Variants in WSB1 observed in about 807,000 individuals in gnomAD.
The protein encoded by WSB1 is WD repeat and SOCS box-containing protein 1.
A neutral mutation model predicts 50.2 loss-of-function variants in WSB1; 23 were observed. That is an observed-to-expected ratio of 0.46 (90% CI 0.33 to 0.65). The LOEUF is 0.65. WSB1 is among the 30% of genes least tolerant of loss of function. The pLI is 0.02. For synonymous variants in WSB1, 179 were observed against 172.0 expected (o/e 1.04, Z -0.32); for missense variants, 492 against 522.3 (o/e 0.94, Z 0.56).
intron 8 of WSB1, 54 bp from the exon 9 acceptor site, chr17:27,312,156 A>C: frequency 6.4e-7 from 1 of 1,556,788 alleles, no homozygotes; most frequent in Non-Finnish European, 8.7e-7. Flanking sequence ...GAGCTGTAGC[A>C]ACACTGAAAT....
intron 1 of WSB1, 38 bp downstream of exon 1, chr17:27,294,473 A>G: frequency 6.2e-7 from 1 of 1,610,020 alleles, no homozygotes; most frequent in Non-Finnish European, 8.5e-7. Context: ...ATGAGGGCCG[A>G]GGAGAGGCAG....
intron 1 of WSB1, among the ~76,000 whole-genome samples, chr17:27,300,398 C>G (rs1597754444): frequency 6.6e-6 from 1 of 152,136 alleles, no homozygotes; most frequent in East Asian, 1.9e-4. Flanking sequence ...AAAGAGGCTC[C>G]TTTCCCCAAA....
Position 27,303,524 on chromosome 17 carries a change from C to G in WSB1, c.367C>G (p.Gln123Glu), listed in dbSNP as rs1453404667. ...LAFGSSVPEK[Q>E]SRCVNIEWHR... ...TTTTGGGTCATCAGTTCCAGAAAAA[C>G]AGAGTCGCTGTGTAAATATAGAATG... Residue 123 changes from glutamine (Q) to glutamate (E), a missense_variant, in exon 3 of 9, where the codon CAG becomes GAG. Coordinates refer to ENST00000262394, the MANE Select transcript of WSB1 (RefSeq NM_015626.10). 3 of 1,614,132 alleles carry G rather than the reference C, an allele frequency of 1.9e-6. No individual in the cohort carries two copies. The highest frequency in any genetic ancestry group is 1.3e-5 in the African/African-American group (1 of 75,036).
chr17:27,307,367 C>T (rs1032187572), intron 5 of WSB1: 3 of 248,780 alleles, frequency 1.2e-5, no homozygotes, highest in South Asian at 6.8e-5. Context: ...GTTTGTCTTA[C>T]ATAGCATACC....
intron 4 of WSB1, 135 bp from the exon 5 acceptor site, chr17:27,306,647 A>G (rs1376743440): frequency 2.6e-6 from 2 of 759,698 alleles, no homozygotes; most frequent in Non-Finnish European, 2.1e-6. Context: ...CAGCTGGTGT[A>G]TATCGGTAAC....
At chr17:27,304,600 T>A (rs780468135) in intron 3 of WSB1, among the ~76,000 whole-genome samples, 180 bp from the exon 4 acceptor site, 112 of 141,010 alleles carry the variant, frequency 7.9e-4, no homozygotes, top group Non-Finnish European at 1.0e-3. Flanking sequence ...TAGTTCCAAC[T>A]ATTTCGGAGG....
chr17:27,312,307 CAAG>C lies in WSB1; in HGVS notation c.1208_1210del (p.Glu403del). The C allele has an allele frequency of 6.2e-7, 1 of 1,614,182 alleles. No individual in the cohort carries two copies. Among genetic ancestry groups the C allele is most frequent in the Admixed American group, 1.7e-5 (1 of 60,006 alleles). On this transcript the variant is annotated inframe_deletion, in exon 9 of 9. Transcript: ENST00000262394. ...GTCAATCCGAAGAGTGATGCCCACC[CAAG>C]AAGTTCAGGAGCTGCCGATTCCTTC...
chr17:27,304,715 A>G (rs2150836263), intron 3 of WSB1, 65 bp from the exon 4 acceptor site: 2 of 1,531,610 alleles, frequency 1.3e-6, no homozygotes, highest in Non-Finnish European at 1.8e-6. Flanking sequence ...CTGTCTCAAG[A>G]AAAATAAGAA....
chr17:27,294,121 C>T lies in WSB1; in HGVS notation c.-275C>T, dbSNP rs573616680. On this transcript the variant is annotated 5_prime_UTR_variant, in exon 1 of 9. Coordinates refer to ENST00000262394, the MANE Select transcript of WSB1 (RefSeq NM_015626.10). The stretch of plus-strand genomic sequence containing the variant: ...GCCCGCCATTTTGACTCCAGTGTCT[C>T]GTTTGCAGTCGGCGCTTTAGGGGAA... The T allele has an allele frequency of 1.4e-5, 4 of 289,766 alleles. No homozygotes were observed. The highest frequency in any genetic ancestry group is 1.1e-4 in the South Asian group (1 of 9,050). 17.9% of individuals were successfully genotyped at this position (289,766 alleles called of 1,614,324 possible).
chr17:27,306,244 G>A (rs1195346467), intron 4 of WSB1, among the ~76,000 whole-genome samples: 6 of 113,644 alleles, frequency 5.3e-5, no homozygotes, highest in Non-Finnish European at 6.5e-5. Context: ...ATGGAGTCTC[G>A]CTCTTTCGCC....
At chr17:27,306,942 T>C in intron 5 of WSB1, 60 bp downstream of exon 5, 2 of 1,506,730 alleles carry the variant, frequency 1.3e-6, no homozygotes, top group Non-Finnish European at 1.8e-6. Context: ...GTGTGCATAA[T>C]CATTTTAAAT....
rs1416069863 is a variant in WSB1, at chr17:27,314,640, C to G, written c.*2271C>G. 6.6e-6 allele frequency: 1 copy of G among 152,100 alleles called. No homozygotes were observed. Among genetic ancestry groups the G allele is most frequent in the East Asian group, 1.9e-4 (1 of 5,190 alleles). The allele number at this position is 152,100 out of a possible 1,614,324, so 9.4% of individuals were successfully genotyped here. Reference sequence around the variant, plus strand: ...TGCTTTCCACACCAACATATCCAGTCAAGTAAAAACAGCTTTTTTTATTTT... The same window carrying G: ...TGCTTTCCACACCAACATATCCAGTGAAGTAAAAACAGCTTTTTTTATTTT... On this transcript the variant is annotated 3_prime_UTR_variant, in exon 9 of 9. Transcript: ENST00000262394.
chr17:27,299,695 AG>A (rs2017145880), intron 1 of WSB1, among the ~76,000 whole-genome samples: 1 of 152,254 alleles, frequency 6.6e-6, no homozygotes. Flanking sequence ...TGATGAAGTT[AG>A]GATGGGAAAT....
chr17:27,307,651 T>G (rs1567690395), intron 5 of WSB1: 3 of 1,310,066 alleles, frequency 2.3e-6, no homozygotes, highest in Non-Finnish European at 2.1e-6. Context: ...TCAGTTTAGT[T>G]CTTTACAAAT....
intron 4 of WSB1, among the ~76,000 whole-genome samples, chr17:27,305,654 T>C (rs570717946): frequency 6.6e-6 from 1 of 152,276 alleles, no homozygotes; most frequent in Non-Finnish European, 1.5e-5. Context: ...ATTGAATTAG[T>C]AGGAAACAAA....
rs1567688231 is a variant in WSB1 at position 27,304,784 on chromosome 17, ACTC to A, written c.489_491del (p.Leu164del). The A allele has an allele frequency of 1.2e-6, 2 of 1,611,800 alleles. No homozygotes were observed. Among genetic ancestry groups the A allele is most frequent in the Non-Finnish European group, 1.7e-6 (2 of 1,179,346 alleles). The stretch of plus-strand genomic sequence containing the variant: ...TCCCTTTTCTATCATATTTAGGAAA[ACTC>A]CTCCTTAACTTGGTAGATCATACTG... On this transcript the variant is annotated inframe_deletion, in exon 4 of 9. Transcript: ENST00000262394.
rs757587595 is a variant in WSB1, at chr17:27,310,121, A to G, written c.945A>G (p.Arg315=). The stretch of plus-strand genomic sequence containing the variant: ...GAGGAGCAAATGACCGGTGGGTACG[A>G]TCTGTATCTTTTAGCCATGATGGAC... ...FAGGANDRWV[R]SVSFSHDGLH... The change falls in exon 7 of 9, where the codon CGA becomes CGG. Residue 315 remains arginine (R), a synonymous_variant. Coordinates refer to ENST00000262394, the MANE Select transcript of WSB1 (RefSeq NM_015626.10). 2.0e-5 allele frequency: 32 copies of G among 1,613,948 alleles called. No homozygotes were observed. In the East Asian group the frequency reaches 6.9e-4, roughly 35 times the overall value.
At chr17:27,294,596 G>C (rs1438127436) in intron 1 of WSB1, among the ~76,000 whole-genome samples, 161 bp downstream of exon 1, 1 of 152,106 alleles carries the variant, frequency 6.6e-6, no homozygotes, top group Non-Finnish European at 1.5e-5. Flanking sequence ...GTGGGAGTTG[G>C]CTGAGGGGTA....
At chr17:27,301,256 T>G (rs1268135793) in intron 1 of WSB1, among the ~76,000 whole-genome samples, 1 of 152,178 alleles carries the variant, frequency 6.6e-6, no homozygotes, top group Non-Finnish European at 1.5e-5. Context: ...GTTTTGTGAT[T>G]TTTGTGACCT....
Sources: gnomAD v4.1 joint callset for allele counts (sites outside exome capture counted in the v4.1 genomes callset) on GRCh38, gnomAD v4.1.1 for gene constraint, MANE v1.5 for transcripts, NCBI Gene and HGNC (gene_info 2026-07-23, HGNC 2026-07-21) for gene names.